The following PALLD variants were observed in gnomAD, a reference collection of about 807,000 sequenced individuals.
The protein encoded by PALLD is palladin.
PALLD carries 61 observed loss-of-function variants against 123.5 expected under a neutral mutation model. That is an observed-to-expected ratio of 0.49 (90% confidence interval 0.40 to 0.61). The LOEUF (loss-of-function observed/expected upper bound fraction) is 0.61. Ranked by LOEUF, PALLD falls within the 20% of genes least tolerant of loss-of-function variation. The probability of loss-of-function intolerance (pLI) is 0.00; values close to 1 mark genes in which losing one functional copy is unlikely to be tolerated. For missense variants in PALLD, 1,273 were observed against 1,377.0 expected (o/e 0.92, Z 1.20); for synonymous variants, 465 against 496.4 (o/e 0.94, Z 0.84).
At chr4:168,705,323 A>C (rs973053943) in intron 8 of PALLD, among the ~76,000 whole-genome samples, 1 of 152,232 alleles carries the variant, frequency 6.6e-6, no homozygotes, top group Non-Finnish European at 1.5e-5. Flanking sequence ...ATCTGCAGCT[A>C]TAAAATATTA....
At chr4:168,607,105 G>A (rs1298830840) in intron 2 of PALLD, among the ~76,000 whole-genome samples, 1 of 151,988 alleles carries the variant, frequency 6.6e-6, no homozygotes, top group East Asian at 1.9e-4. Flanking sequence ...AGTTGACAGG[G>A]GAACATTATA....
chr4:168,844,071 T>G lies in PALLD; in HGVS notation c.1965-46851T>G, dbSNP rs1202449807. The G allele has an allele frequency of 1.3e-5, 2 of 152,184 alleles. No individual in the cohort carries two copies. Among genetic ancestry groups the G allele is most frequent in the Admixed American group, 6.5e-5 (1 of 15,274 alleles). 9.4% of individuals were successfully genotyped at this position (152,184 alleles called of 1,614,324 possible). A position where few individuals can be genotyped will look rare whatever the true frequency, so the allele number is the denominator to read the frequency against. On this transcript the variant is annotated intron_variant, in intron 10 of 21. Transcript: ENST00000505667. This position sits in a 1 kb window ranked among gnomAD's most constrained non-coding sequence, Gnocchi z 4.5. ...TCCTCACGCGTTAACAAGGATGCTGTTAGGTTGTCTATCTACTCTGAATCC... is the reference window on the plus strand; with the variant it reads ...TCCTCACGCGTTAACAAGGATGCTGGTAGGTTGTCTATCTACTCTGAATCC...
intron 10 of PALLD, among the ~76,000 whole-genome samples, chr4:168,725,071 A>G (rs1056356807): frequency 6.6e-6 from 1 of 152,202 alleles, no homozygotes; most frequent in East Asian, 1.9e-4. Context: ...TGTATCCACA[A>G]TAGGTAGCAT....
At chr4:168,690,019 G>A (rs1782470623) in intron 6 of PALLD, among the ~76,000 whole-genome samples, 1 of 152,004 alleles carries the variant, frequency 6.6e-6, no homozygotes, top group Admixed American at 6.6e-5. Flanking sequence ...AGGAAATGAA[G>A]GTCAATAAGG....
chr4:168,606,869 T>C (rs114278088), intron 2 of PALLD, among the ~76,000 whole-genome samples: 166 of 152,290 alleles, frequency 1.1e-3, no homozygotes, highest in Non-Finnish European at 1.9e-3. Context: ...ACATGGCCCC[T>C]AGGCCTTCCT....
intron 10 of PALLD, among the ~76,000 whole-genome samples, chr4:168,886,162 T>A (rs1753307666): frequency 6.6e-6 from 1 of 152,160 alleles, no homozygotes. Context: ...TTTAATATAT[T>A]TTCATTTTTA....
At chr4:168,621,614 ACCATATTT>A (rs1243448357) in intron 2 of PALLD, among the ~76,000 whole-genome samples, 2 of 152,198 alleles carry the variant, frequency 1.3e-5, no homozygotes, top group African/African-American at 4.8e-5. Context: ...AGACCATATT[ACCATATTT>A]CCATATTTCC....
chr4:168,913,857 G>A, intron 15 of PALLD, 70 bp from the exon 16 acceptor site: 1 of 988,722 alleles, frequency 1.0e-6, no homozygotes, highest in Non-Finnish European at 1.6e-6. Flanking sequence ...GAATAGGACA[G>A]TAGGCATGAT....
Position 168,903,825 on chromosome 4 carries a change from C to T in PALLD, c.2541C>T (p.Leu847=), listed in dbSNP as rs863224382. The T allele has an allele frequency of 4.3e-6, 7 of 1,612,238 alleles. No homozygotes were observed. The highest frequency in any genetic ancestry group is 5.9e-6 in the Non-Finnish European group (7 of 1,178,366). Reference sequence around the variant, plus strand: ...ATCACTACACCATTCAAAGAGATCTCGATGGGACCTGCTCCCTCCATACCA... The same window carrying T: ...ATCACTACACCATTCAAAGAGATCTTGATGGGACCTGCTCCCTCCATACCA... ...KSDHYTIQRD[L]DGTCSLHTTA... The change falls in exon 15 of 22, where the codon CTC becomes CTT. Residue 847 remains leucine (L), a synonymous_variant. Coordinates refer to ENST00000505667, the MANE Select transcript of PALLD (RefSeq NM_001166108.2).
At chr4:168,575,837 T>G (rs1769513226) in intron 2 of PALLD, among the ~76,000 whole-genome samples, 1 of 152,102 alleles carries the variant, frequency 6.6e-6, no homozygotes, top group African/African-American at 2.4e-5. Flanking sequence ...TGTTGAAAAG[T>G]TCTCTCCTCT....
chr4:168,510,655 A>G (rs1762448344), intron 1 of PALLD, among the ~76,000 whole-genome samples: 1 of 152,242 alleles, frequency 6.6e-6, no homozygotes, highest in African/African-American at 2.4e-5. Context: ...AAATATCAAA[A>G]TAATAATAGT....
At chr4:168,587,747 AT>A (rs1770983286) in intron 2 of PALLD, among the ~76,000 whole-genome samples, 1 of 152,114 alleles carries the variant, frequency 6.6e-6, no homozygotes, top group Admixed American at 6.5e-5. Context: ...ATTTTCCACC[AT>A]ACAGAAATCC....
intron 1 of PALLD, among the ~76,000 whole-genome samples, chr4:168,498,411 C>T (rs1302490931): frequency 1.3e-5 from 2 of 152,168 alleles, no homozygotes; most frequent in Non-Finnish European, 2.9e-5. Context: ...ATCTGGATTG[C>T]ACTGGACAAG....
At chr4:168,511,386 A>C (rs1561190905) in intron 1 of PALLD, 37 bp from the exon 2 acceptor site, 1 of 735,536 alleles carries the variant, frequency 1.4e-6, no homozygotes, top group Admixed American at 2.3e-5. Flanking sequence ...TGGGGAAAAA[A>C]TCATTGCTAC....
chr4:168,530,171 G>T (rs1764470825), intron 2 of PALLD, among the ~76,000 whole-genome samples: 1 of 152,114 alleles, frequency 6.6e-6, no homozygotes. Context: ...CACTGCAATT[G>T]GTAATAAAGG....
chr4:168,817,083 G>A (rs1742077861), intron 10 of PALLD, among the ~76,000 whole-genome samples: 1 of 152,122 alleles, frequency 6.6e-6, no homozygotes, highest in African/African-American at 2.4e-5. Context: ...TGTTTTACTT[G>A]TTCCACAAAA....
chr4:168,849,020 G>T (rs931088273), intron 10 of PALLD, among the ~76,000 whole-genome samples: 1 of 152,038 alleles, frequency 6.6e-6, no homozygotes. Context: ...AATTTTTTTC[G>T]TTAAAAAATT....
chr4:168,784,163 C>T (rs754154021), intron 10 of PALLD, among the ~76,000 whole-genome samples: 1 of 152,036 alleles, frequency 6.6e-6, no homozygotes. Context: ...TAGTTGGCTA[C>T]CAACAGACAT....
intron 2 of PALLD, among the ~76,000 whole-genome samples, chr4:168,538,033 C>T (rs2149498277): frequency 6.6e-6 from 1 of 152,220 alleles, no homozygotes. Flanking sequence ...GGATCTTTTC[C>T]CTGTTTTAAC....
Sources: gnomAD v4.1 joint callset for allele counts (sites outside exome capture counted in the v4.1 genomes callset) on GRCh38, gnomAD v4.1.1 for gene constraint, Gnocchi (gnomAD v3.1) non-coding constraint, MANE v1.5 for transcripts, NCBI Gene and HGNC (gene_info 2026-07-23, HGNC 2026-07-21) for gene names.